The following TLR6 variants were observed in gnomAD, a reference collection of about 807,000 sequenced individuals.
TLR6 encodes toll-like receptor 6.
TLR6 carries 9 observed loss-of-function variants against 16.1 expected under a neutral mutation model. That is an observed-to-expected ratio of 0.56 (90% confidence interval 0.34 to 0.98). The LOEUF (loss-of-function observed/expected upper bound fraction) is 0.98, where lower values mean the gene tolerates loss of function less well. Ranked by LOEUF, TLR6 falls within the 50% of genes least tolerant of loss-of-function variation. TLR6 has a pLI of 0.02. For missense variants in TLR6, 786 were observed against 921.0 expected, an observed-to-expected ratio of 0.85 and a Z score of 1.90; for synonymous variants, 340 against 338.6, an observed-to-expected ratio of 1.00 and a Z score of -0.04.
At chr4:38,857,991 G>A (rs1337261966), upstream of TLR6, among the ~76,000 whole-genome samples, 5 of 152,230 alleles carry the variant, frequency 3.3e-5, no homozygotes, top group Non-Finnish European at 7.3e-5. Flanking sequence ...TAAGAAAACA[G>A]ACAACTATCA....
At chr4:38,839,824 G>A (rs763762446) in intron 1 of TLR6, among the ~76,000 whole-genome samples, 3 of 152,236 alleles carry the variant, frequency 2.0e-5, no homozygotes, top group Non-Finnish European at 2.9e-5. Flanking sequence ...GAGCTTCTGA[G>A]TGTGGCCTAT....
At chr4:38,827,471 T>C in exon 2 of TLR6, 1 of 1,614,196 alleles carries the variant, frequency 6.2e-7, no homozygotes. Context: ...AATCTGTATA[T>C]CTTCTTTTTC....
exon 2 of TLR6, chr4:38,828,358 T>C: frequency 6.2e-7 from 1 of 1,613,142 alleles, no homozygotes; most frequent in Non-Finnish European, 8.5e-7. Context: ...ACGTGGAACA[T>C]TTTTCAAAAA....
At chr4:38,858,800 AG>A (rs1560274583), upstream of TLR6, among the ~76,000 whole-genome samples, 200 of 120,680 alleles carry the variant, frequency 1.7e-3, 6 homozygotes, top group East Asian at 0.019. Context: ...AGGGAGAGAG[AG>A]AGAGAGAGAG....
At chr4:38,860,843 A>G (rs951715725), upstream of TLR6, among the ~76,000 whole-genome samples, 2 of 152,198 alleles carry the variant, frequency 1.3e-5, no homozygotes, top group East Asian at 1.9e-4. Flanking sequence ...ATCTAGTAAT[A>G]CAAATGGTGG....
At chr4:38,835,789 G>T (rs1711881787) in intron 1 of TLR6, among the ~76,000 whole-genome samples, 1 of 152,042 alleles carries the variant, frequency 6.6e-6, no homozygotes, top group Non-Finnish European at 1.5e-5. Context: ...GATCACAATG[G>T]AATAAAACTA....
the TLR6 span, among the ~76,000 whole-genome samples, chr4:38,866,158 TA>T: frequency 7.3e-5 from 11 of 151,438 alleles, no homozygotes; most frequent in Non-Finnish European, 1.3e-4. Context: ...TTCAGTAGCT[TA>T]AAAAATTATT....
At chr4:38,827,836 T>G in exon 2 of TLR6, 6 of 1,614,266 alleles carry the variant, frequency 3.7e-6, no homozygotes, top group Non-Finnish European at 5.1e-6. Context: ...CACTTGATAC[T>G]TGGTCTATAT....
At chr4:38,831,123 T>C (rs1711550935) in intron 1 of TLR6, among the ~76,000 whole-genome samples, 1 of 151,512 alleles carries the variant, frequency 6.6e-6, no homozygotes, top group African/African-American at 2.4e-5. Flanking sequence ...CAAGGCAGTG[T>C]GGTTTTGGTG....
exon 2 of TLR6, chr4:38,827,759 A>G (rs1727618056): frequency 6.2e-7 from 1 of 1,614,130 alleles, no homozygotes; most frequent in Non-Finnish European, 8.5e-7. Flanking sequence ...AAAGTCCTTT[A>G]GTGGGCTTCC....
chr4:38,853,891 G>A (rs866008070), intron 1 of TLR6, among the ~76,000 whole-genome samples: 13 of 152,120 alleles, frequency 8.5e-5, no homozygotes, highest in South Asian at 4.1e-4. Flanking sequence ...AATAAAAATC[G>A]AATTGCATGA....
chr4:38,859,808 C>T (rs550431983), upstream of TLR6, among the ~76,000 whole-genome samples: 6 of 152,072 alleles, frequency 3.9e-5, no homozygotes, highest in African/African-American at 9.6e-5. Flanking sequence ...TCAAACAATC[C>T]GCCCACCTCA....
At chr4:38,867,500 CG>C in the TLR6 span, among the ~76,000 whole-genome samples, 176 of 152,264 alleles carry the variant, frequency 1.2e-3, 1 homozygote, top group African/African-American at 3.9e-3. Context: ...AGTGACACGG[CG>C]GGGGGTTTTC....
At chr4:38,857,243 T>C (rs550656748), upstream of TLR6, among the ~76,000 whole-genome samples, 16 of 152,294 alleles carry the variant, frequency 1.1e-4, no homozygotes, top group East Asian at 2.9e-3. Context: ...AAAATAAGTA[T>C]AGTTCCACAA....
At chr4:38,828,285 G>A (rs966851636) in exon 2 of TLR6, 3 of 1,613,482 alleles carry the variant, frequency 1.9e-6, no homozygotes, top group African/African-American at 1.3e-5. Flanking sequence ...TTCGTCATGA[G>A]ACCTACTTTG....
At chr4:38,861,217 C>A (rs1037886835), upstream of TLR6, among the ~76,000 whole-genome samples, 2 of 152,122 alleles carry the variant, frequency 1.3e-5, no homozygotes, top group African/African-American at 4.8e-5. Context: ...TATTTCAATC[C>A]GATACCACCC....
intron 1 of TLR6, among the ~76,000 whole-genome samples, chr4:38,848,655 G>A (rs1232370656): frequency 6.6e-6 from 1 of 152,208 alleles, no homozygotes; most frequent in Non-Finnish European, 1.5e-5. Flanking sequence ...TAGCTGATTT[G>A]ATCAACTGGA....
At position 38,829,068 on chromosome 4, in the gene TLR6, G is replaced by T. The variant is rs1198411046; in HGVS notation, c.406C>A (p.Leu136Met). The T allele has an allele frequency of 5.0e-6, 8 of 1,614,032 alleles. No individual in the cohort carries two copies. The highest frequency in any genetic ancestry group is 3.3e-5 in the Admixed American group (2 of 60,008). ...TTGCCAAATTCCTTACAGATGGGCA[G>T]GGCCTTGAAATCATTGAATGAGAGA... The change falls in exon 2 of 2, where the codon CTG (leucine) becomes ATG (methionine). Residue 136 changes from leucine to methionine, a missense_variant. By Grantham distance (15) the Leu-to-Met change is conservative. Coordinates refer to ENST00000436693, the Ensembl canonical transcript of TLR6.
intron 1 of TLR6, among the ~76,000 whole-genome samples, chr4:38,841,404 A>C (rs996794880): frequency 2.0e-5 from 3 of 152,202 alleles, no homozygotes; most frequent in African/African-American, 4.8e-5. Flanking sequence ...CAACCCGGGC[A>C]ACACAGTGAA....
Sources: gnomAD v4.1 joint callset for allele counts (sites outside exome capture counted in the v4.1 genomes callset) on GRCh38, gnomAD v4.1.1 for gene constraint, MANE v1.5 for transcripts, NCBI Gene and HGNC (gene_info 2026-07-23, HGNC 2026-07-21) for gene names.